Variants in GABRG3 observed in about 807,000 individuals in gnomAD.
GABRG3 encodes gamma-aminobutyric acid receptor subunit gamma-3.
GABRG3 carries 25 observed loss-of-function variants against 48.8 expected under a neutral mutation model. The observed-to-expected ratio is 0.51, with a 90% CI of 0.37 to 0.72. The LOEUF is 0.72. GABRG3 is among the 30% of genes least tolerant of loss of function. The pLI, the probability that GABRG3 is intolerant of heterozygous loss-of-function variation, is 0.00. For missense variants in GABRG3, 394 were observed against 577.9 expected (o/e 0.68, Z 3.26); for synonymous variants, 227 against 217.6 (o/e 1.04, Z -0.38).
chr15:27,037,097 A>G (rs1272472630), intron 3 of GABRG3, among the ~76,000 whole-genome samples: 4 of 152,184 alleles, frequency 2.6e-5, no homozygotes, highest in African/African-American at 9.6e-5. Context: ...AGCAAATACC[A>G]GAAGCCAGGG....
intron 6 of GABRG3, among the ~76,000 whole-genome samples, chr15:27,509,394 T>G (rs1470419909): frequency 3.3e-5 from 5 of 152,246 alleles, no homozygotes; most frequent in Non-Finnish European, 4.4e-5. Context: ...TTGGTGTCTG[T>G]CATTATTTTG....
At chr15:27,147,342 T>C (rs1898227603) in intron 3 of GABRG3, among the ~76,000 whole-genome samples, 1 of 151,942 alleles carries the variant, frequency 6.6e-6, no homozygotes, top group South Asian at 2.1e-4. Flanking sequence ...GAGGTAGAAA[T>C]ACATAATGCT....
In GABRG3 at chr15:27,056,399, C is replaced by T. The variant is rs188404568; in HGVS notation, c.270+29578C>T. Among the ~76,000 whole-genome samples the T allele has an allele frequency of 8.1e-5, 12 of 147,402 alleles. No individual in the cohort carries two copies. In the East Asian group the frequency reaches 2.2e-3, roughly 27 times the overall value. On this transcript the variant is annotated intron_variant, in intron 3 of 9. Coordinates refer to ENST00000615808, the MANE Select transcript of GABRG3 (RefSeq NM_033223.5). ...GAAAAGAAAAAAGAAAATAAACATA[C>T]ATATTGAGATATTGAACCCGTTGTT...
intron 3 of GABRG3, among the ~76,000 whole-genome samples, chr15:27,272,108 G>A (rs1891109734): frequency 6.6e-6 from 1 of 152,232 alleles, no homozygotes; most frequent in African/African-American, 2.4e-5. Context: ...GATGCCCTGG[G>A]CAGGGTTTCC....
At chr15:27,165,520 T>C (rs1160889246) in intron 3 of GABRG3, among the ~76,000 whole-genome samples, 1 of 152,140 alleles carries the variant, frequency 6.6e-6, no homozygotes, top group East Asian at 1.9e-4. Flanking sequence ...TCTTACATTC[T>C]CCAAAGATGT....
intron 3 of GABRG3, among the ~76,000 whole-genome samples, chr15:27,148,634 A>G (rs609729): frequency 6.6e-6 from 1 of 152,170 alleles, no homozygotes; most frequent in East Asian, 1.9e-4. Context: ...ATCCAGCAAC[A>G]TATAATATGA....
At chr15:27,031,423 C>T (rs1326303999) in intron 3 of GABRG3, among the ~76,000 whole-genome samples, 1 of 152,180 alleles carries the variant, frequency 6.6e-6, no homozygotes, top group African/African-American at 2.4e-5. Context: ...ATACAATAGT[C>T]AACCTTGTAG....
At chr15:27,279,614 T>C (rs976603537) in intron 3 of GABRG3, among the ~76,000 whole-genome samples, 1 of 152,198 alleles carries the variant, frequency 6.6e-6, no homozygotes, top group African/African-American at 2.4e-5. Context: ...TCTGTTTTAT[T>C]GATCGATGTT....
At chr15:27,100,008 A>T (rs1422017349) in intron 3 of GABRG3, among the ~76,000 whole-genome samples, 1 of 152,146 alleles carries the variant, frequency 6.6e-6, no homozygotes, top group Non-Finnish European at 1.5e-5. Flanking sequence ...TGAGGCCAAG[A>T]GTTCGAGACC....
At chr15:26,980,595 C>T (rs183062636) in intron 2 of GABRG3, among the ~76,000 whole-genome samples, 79 of 149,812 alleles carry the variant, frequency 5.3e-4, no homozygotes, top group African/African-American at 1.3e-3. Context: ...AGGAGAATGG[C>T]GTGAACCTGG....
intron 3 of GABRG3, among the ~76,000 whole-genome samples, chr15:27,140,957 T>C (rs1253459086): frequency 2.0e-5 from 3 of 152,162 alleles, no homozygotes; most frequent in Non-Finnish European, 4.4e-5. Flanking sequence ...TTAGCTGTCG[T>C]CCTTCATATT....
At chr15:27,508,745 G>A (rs1021043705) in intron 6 of GABRG3, among the ~76,000 whole-genome samples, 3 of 151,486 alleles carry the variant, frequency 2.0e-5, no homozygotes, top group South Asian at 2.1e-4. Flanking sequence ...ATGGAGTCTC[G>A]CTCCATCACC....
intron 3 of GABRG3, among the ~76,000 whole-genome samples, chr15:27,196,945 A>C (rs1408046867): frequency 1.3e-5 from 2 of 152,234 alleles, no homozygotes; most frequent in African/African-American, 4.8e-5. Context: ...GCCATGCTTT[A>C]GAGTGAGGCC....
intron 2 of GABRG3, among the ~76,000 whole-genome samples, chr15:26,990,333 G>A (rs1895224447): frequency 6.6e-6 from 1 of 152,154 alleles, no homozygotes; most frequent in Non-Finnish European, 1.5e-5. Flanking sequence ...GGGGTGAGAG[G>A]ATATCTCATA....
intron 6 of GABRG3, among the ~76,000 whole-genome samples, chr15:27,486,342 G>T (rs1890219275): frequency 6.6e-6 from 1 of 152,168 alleles, no homozygotes; most frequent in Admixed American, 6.5e-5. Context: ...ACAATCAGGA[G>T]AAAGGCTGCT....
intron 3 of GABRG3, among the ~76,000 whole-genome samples, chr15:27,275,338 T>C (rs1176919262): frequency 6.6e-6 from 1 of 152,156 alleles, no homozygotes; most frequent in Non-Finnish European, 1.5e-5. Context: ...GAATTATATA[T>C]GTAGTTTTAT....
intron 4 of GABRG3, 42 bp from the exon 5 acceptor site, chr15:27,328,764 G>T (rs182948702): frequency 8.9e-6 from 14 of 1,579,926 alleles, no homozygotes; most frequent in Admixed American, 1.7e-5. Context: ...GCCTTGCCCT[G>T]TGCTGTGTGC....
chr15:27,351,444 A>G (rs1213912992), intron 5 of GABRG3, among the ~76,000 whole-genome samples: 21 of 106,930 alleles, frequency 2.0e-4, no homozygotes, highest in South Asian at 3.1e-4. Context: ...GTGTGTGTGT[A>G]TATGGTGTGT....
At chr15:27,511,847 G>A (rs1890903047) in intron 6 of GABRG3, among the ~76,000 whole-genome samples, 1 of 152,246 alleles carries the variant, frequency 6.6e-6, no homozygotes, top group Non-Finnish European at 1.5e-5. Context: ...TACACAGGTA[G>A]TCAATAATCT....
Sources: allele counts gnomAD v4.1 joint callset (sites outside exome capture counted in the v4.1 genomes callset), GRCh38; gene constraint gnomAD v4.1.1; transcripts MANE v1.5; gene names NCBI Gene and HGNC (gene_info 2026-07-23, HGNC 2026-07-21).